CLOCK: variants seen among roughly 807,000 people sequenced by gnomAD.
The protein encoded by CLOCK is clock circadian regulator.
Under a neutral mutation model 118.4 loss-of-function variants are expected in CLOCK, and 43 were observed. The ratio of observed to expected loss-of-function variants is 0.36; its 90% CI spans 0.28 to 0.47. The LOEUF (loss-of-function observed/expected upper bound fraction) is 0.47. CLOCK is among the 20% of genes least tolerant of loss of function. The pLI is 1.00. For synonymous variants in CLOCK, 326 were observed against 339.2 expected (o/e 0.96, Z 0.43); for missense variants, 846 against 999.9 (o/e 0.85, Z 2.08).
intron 1 of CLOCK, among the ~76,000 whole-genome samples, chr4:55,515,208 T>C (rs1217222981): frequency 6.6e-6 from 1 of 152,222 alleles, no homozygotes; most frequent in Non-Finnish European, 1.5e-5. Flanking sequence ...TTAATATAAA[T>C]GGAAATCTGT....
intron 2 of CLOCK, among the ~76,000 whole-genome samples, chr4:55,503,900 T>C (rs1728592182): frequency 6.8e-6 from 1 of 147,860 alleles, no homozygotes. Context: ...TTCTTCTTAG[T>C]GTAATTATAA....
At chr4:55,457,000 T>C (rs1443813965) in intron 11 of CLOCK, among the ~76,000 whole-genome samples, 1 of 152,170 alleles carries the variant, frequency 6.6e-6, no homozygotes, top group Non-Finnish European at 1.5e-5. Flanking sequence ...GTTAATATAT[T>C]TTAATTTTCC....
chr4:55,528,569 G>A (rs1242677018), intron 1 of CLOCK, among the ~76,000 whole-genome samples: 1 of 151,984 alleles, frequency 6.6e-6, no homozygotes, highest in Non-Finnish European at 1.5e-5. Flanking sequence ...ACAATGAAAA[G>A]AACAGAGAGA....
At chr4:55,479,930 T>C (rs1726800219) in intron 4 of CLOCK, among the ~76,000 whole-genome samples, 1 of 152,240 alleles carries the variant, frequency 6.6e-6, no homozygotes, top group African/African-American at 2.4e-5. Flanking sequence ...TTAGCTATAT[T>C]ATGAACACAT....
At chr4:55,498,326 C>A (rs1365622052) in intron 2 of CLOCK, among the ~76,000 whole-genome samples, 1 of 152,064 alleles carries the variant, frequency 6.6e-6, no homozygotes, top group Non-Finnish European at 1.5e-5. Context: ...TTTTGTGTAG[C>A]CAAGTAGGCC....
At chr4:55,522,495 G>C (rs565770403) in intron 1 of CLOCK, among the ~76,000 whole-genome samples, 18 of 147,154 alleles carry the variant, frequency 1.2e-4, no homozygotes, top group Admixed American at 6.7e-4. Context: ...GTAATAAACT[G>C]TTTTTTTTTA....
At chr4:55,492,167 C>T (rs775500724) in intron 2 of CLOCK, among the ~76,000 whole-genome samples, 2 of 152,094 alleles carry the variant, frequency 1.3e-5, no homozygotes. Flanking sequence ...CCAAACGCAA[C>T]AGTAAATTAA....
intron 22 of CLOCK, 27 bp from the exon 23 acceptor site, chr4:55,435,621 T>C (rs748817825): frequency 1.9e-6 from 3 of 1,611,582 alleles, no homozygotes; most frequent in Non-Finnish European, 2.5e-6. Flanking sequence ...TTATGCAGCA[T>C]TGCTTTACTC....
rs1044545238 is a variant in CLOCK at position 55,442,233 on chromosome 4, A to G, written c.2105+199T>C. On this transcript the variant is annotated intron_variant, in intron 21 of 22. Transcript: ENST00000513440. ...TGTAGCATATTTTTGGACAAGAAAA[A>G]AAATTTGTTGTTACCCTTTAATTAT... 12 of 576,628 alleles carry G rather than the reference A, an allele frequency of 2.1e-5. No individual in the cohort carries two copies. In the African/African-American group the frequency reaches 2.2e-4, roughly 11 times the overall value. The allele number at this position is 576,628 out of a possible 1,614,324, so 35.7% of individuals were successfully genotyped here.
At position 55,448,018 on chromosome 4, in the gene CLOCK, C is replaced by G. The variant is rs79957261; in HGVS notation, c.1539+761G>C. Among the ~76,000 whole-genome samples the G allele has an allele frequency of 7.3e-3, 1,108 of 152,278 alleles. 10 individuals are homozygous for G. Among genetic ancestry groups the G allele is most frequent in the African/African-American group, 0.023 (957 of 41,550 alleles). ...CCCCCTTTTTTTTGGCTACTTTCCACATTCAGGCCTCCTTCTGGACTTAGG... is the reference window on the plus strand; with the variant it reads ...CCCCCTTTTTTTTGGCTACTTTCCAGATTCAGGCCTCCTTCTGGACTTAGG... On this transcript the variant is annotated intron_variant, in intron 18 of 22. Coordinates refer to ENST00000513440, the MANE Select transcript of CLOCK (RefSeq NM_004898.4).
rs1007175353 is a variant in CLOCK at position 55,429,072 on chromosome 4, A to G, written c.*6343T>C. 7 of 151,650 alleles carry G rather than the reference A, an allele frequency of 4.6e-5. No homozygotes were observed. The highest frequency in any genetic ancestry group is 1.2e-4 in the African/African-American group (5 of 41,224). 9.4% of individuals were successfully genotyped at this position (151,650 alleles called of 1,614,324 possible). A position where few individuals can be genotyped will look rare whatever the true frequency, so the allele number is the denominator to read the frequency against. Reference sequence around the variant, plus strand: ...ACAAGACATCAATCTGAAGGTAACAACTTATTTTAACTTAACTACTGGCAT... The same window carrying G: ...ACAAGACATCAATCTGAAGGTAACAGCTTATTTTAACTTAACTACTGGCAT... On this transcript the variant is annotated 3_prime_UTR_variant, in exon 23 of 23. Coordinates refer to ENST00000513440, the MANE Select transcript of CLOCK (RefSeq NM_004898.4).
chr4:55,444,122 T>TA (rs1187411283), intron 19 of CLOCK, among the ~76,000 whole-genome samples: 3 of 152,330 alleles, frequency 2.0e-5, no homozygotes, highest in South Asian at 2.1e-4. Context: ...TAACTAGTGT[T>TA]AGTCTGTGGA....
rs1722492577 is a variant in CLOCK at position 55,431,425 on chromosome 4, C to CTCCTTTTAGAAGAAAGCTCA, written c.*3970_*3989dup. On this transcript the variant is annotated 3_prime_UTR_variant, in exon 23 of 23. Coordinates refer to ENST00000513440, the MANE Select transcript of CLOCK (RefSeq NM_004898.4). ...TATTCCTTTGCAATTACTTCAGAAG[C>CTCCTTTTAGAAGAAAGCTCA]TCCTTTTAGAAGAAAGCTCACCCAA... 6.6e-6 allele frequency: 1 copy of CTCCTTTTAGAAGAAAGCTCA among 152,158 alleles called. No homozygotes were observed. The highest frequency in any genetic ancestry group is 2.4e-5 in the African/African-American group (1 of 41,438). The allele number at this position is 152,158 out of a possible 1,614,324, so 9.4% of individuals were successfully genotyped here.
chr4:55,524,690 T>A (rs1730058775), intron 1 of CLOCK, among the ~76,000 whole-genome samples: 1 of 152,242 alleles, frequency 6.6e-6, no homozygotes. Flanking sequence ...GTGATTCACA[T>A]GAAATTTCTA....
chr4:55,470,672 A>C, intron 8 of CLOCK, 45 bp downstream of exon 8: 1 of 1,333,090 alleles, frequency 7.5e-7, no homozygotes, highest in Non-Finnish European at 1.1e-6. Flanking sequence ...AATATTTAAA[A>C]TAGGCATTTT....
At chr4:55,501,381 A>C (rs986443063) in intron 2 of CLOCK, among the ~76,000 whole-genome samples, 17 of 152,178 alleles carry the variant, frequency 1.1e-4, no homozygotes, top group Non-Finnish European at 2.4e-4. Flanking sequence ...AGTGTACTAT[A>C]ATCATTACAC....
chr4:55,479,688 C>T lies in CLOCK; in HGVS notation c.59G>A (p.Ser20Asn). ...TTCTTCCACCAACCCATCAAAAATA[C>T]TACTGTCATCTCTAAAAGAAAGCGG... ...MSSIVDRDDS[S>N]IFDGLVEEDD... is the part of the protein sequence containing the mutation. The change falls in exon 5 of 23, where the codon AGT (serine) becomes AAT (asparagine). Residue 20 changes from serine (S) to asparagine (N), a missense_variant. This residue lies in a region of CLOCK where 246 missense variants were observed against 300.2 expected (regional missense o/e 0.82). Coordinates refer to ENST00000513440, the MANE Select transcript of CLOCK (RefSeq NM_004898.4). 1.2e-6 allele frequency: 2 copies of T among 1,612,824 alleles called. No individual in the cohort carries two copies. Among genetic ancestry groups the T allele is most frequent in the South Asian group, 2.2e-5 (2 of 91,024 alleles).
intron 18 of CLOCK, among the ~76,000 whole-genome samples, chr4:55,446,098 CTTCT>C (rs1210032251): frequency 3.0e-5 from 3 of 101,310 alleles, no homozygotes; most frequent in Admixed American, 2.4e-4. Context: ...AAAAATTTAA[CTTCT>C]TTTTTTTTTT....
At chr4:55,482,915 A>G in intron 3 of CLOCK, 87 bp from the exon 4 acceptor site, 1 of 602,786 alleles carries the variant, frequency 1.7e-6, no homozygotes, top group Non-Finnish European at 2.9e-6. Context: ...ATATGTTATC[A>G]CAGAGACTTC....
Sources: gnomAD v4.1 joint callset for allele counts (sites outside exome capture counted in the v4.1 genomes callset) on GRCh38, gnomAD v4.1.1 for gene constraint, gnomAD v4.1.1 regional missense constraint, MANE v1.5 for transcripts, NCBI Gene and HGNC (gene_info 2026-07-23, HGNC 2026-07-21) for gene names.